CNTN6: variants seen among roughly 807,000 people sequenced by gnomAD.
The protein encoded by CNTN6 is contactin 6.
In CNTN6, 137 loss-of-function variants were observed where a neutral mutation model predicts 122.8. That is an observed-to-expected ratio of 1.12 (90% CI 0.97 to 1.29). The LOEUF is 1.29. Among genes scored for constraint, CNTN6 ranks in the 50% most tolerant of loss-of-function variants. CNTN6 has a pLI of 0.00. For synonymous variants in CNTN6, 570 were observed against 426.0 expected, an observed-to-expected ratio of 1.34 and a Z score of -4.16; for missense variants, 1,634 against 1,223.4, an observed-to-expected ratio of 1.34 and a Z score of -5.01.
At chr3:1,301,588 T>A (rs1697427375) in intron 7 of CNTN6, among the ~76,000 whole-genome samples, 1 of 152,196 alleles carries the variant, frequency 6.6e-6, no homozygotes, top group Non-Finnish European at 1.5e-5. Flanking sequence ...AGGAAATTCT[T>A]GATTTAATAG....
At chr3:1,340,294 A>G (rs1487067707) in intron 11 of CNTN6, among the ~76,000 whole-genome samples, 1 of 152,168 alleles carries the variant, frequency 6.6e-6, no homozygotes, top group Non-Finnish European at 1.5e-5. Flanking sequence ...TTATACTAAA[A>G]AAATCTTCTG....
chr3:1,247,570 T>C (rs2094599704), intron 4 of CNTN6, among the ~76,000 whole-genome samples: 1 of 152,148 alleles, frequency 6.6e-6, no homozygotes, highest in Admixed American at 6.5e-5. Context: ...AATTGAGCTT[T>C]AAAAAGCTTT....
chr3:1,094,394 G>T (rs1357022358), intron 1 of CNTN6, among the ~76,000 whole-genome samples: 3 of 152,124 alleles, frequency 2.0e-5, no homozygotes, highest in Non-Finnish European at 4.4e-5. Context: ...TGATGTTTCA[G>T]TGGGGTTTCT....
At chr3:1,300,492 GAAA>G (rs59854918) in intron 7 of CNTN6, among the ~76,000 whole-genome samples, 3 of 99,360 alleles carry the variant, frequency 3.0e-5, no homozygotes, top group Admixed American at 9.8e-5. Context: ...AGGAAGGAAG[GAAA>G]AAGAAAAGAA....
intron 17 of CNTN6, among the ~76,000 whole-genome samples, chr3:1,380,759 C>G (rs1691743839): frequency 6.6e-6 from 1 of 152,122 alleles, no homozygotes; most frequent in Non-Finnish European, 1.5e-5. Context: ...CAAAACCAGG[C>G]TGCATGCCAG....
chr3:1,343,898 A>G (rs566064686), intron 11 of CNTN6, among the ~76,000 whole-genome samples: 2 of 152,296 alleles, frequency 1.3e-5, no homozygotes, highest in Non-Finnish European at 1.5e-5. Context: ...CCATGGTCTT[A>G]TAATCCCTGT....
rs1474084517 is a variant in CNTN6 at position 1,402,319 on chromosome 3, T to C, written c.2819T>C (p.Ile940Thr). The change falls in exon 22 of 23, where the codon ATT becomes ACT. Residue 940 changes from isoleucine to threonine, a missense_variant and splice_region_variant. Physicochemically the swap from Ile to Thr is moderately conservative, Grantham distance 89. Coordinates refer to ENST00000446702, the MANE Select transcript of CNTN6 (RefSeq NM_001289080.2). ...ENESEVLGYKILYRQNRQSKT... is the reference protein window; with the variant it reads ...ENESEVLGYKTLYRQNRQSKT... Reference sequence around the variant, plus strand: ...AACTTGATACCTCATTTTATTCAGATTCTGTACCGGCAAAACAGACAGAGT... The same window carrying C: ...AACTTGATACCTCATTTTATTCAGACTCTGTACCGGCAAAACAGACAGAGT... 6.2e-7 allele frequency: 1 copy of C among 1,606,520 alleles called. No homozygotes were observed. Among genetic ancestry groups the C allele is most frequent in the Non-Finnish European group, 8.5e-7 (1 of 1,176,094 alleles).
chr3:1,387,467 G>GA (rs1693205293), intron 20 of CNTN6, among the ~76,000 whole-genome samples: 1 of 152,130 alleles, frequency 6.6e-6, no homozygotes, highest in Non-Finnish European at 1.5e-5. Flanking sequence ...AAATCCGAAT[G>GA]AAAATCTCCA....
chr3:1,202,114 G>A (rs530235293), intron 2 of CNTN6, among the ~76,000 whole-genome samples: 6 of 152,134 alleles, frequency 3.9e-5, no homozygotes, highest in African/African-American at 9.7e-5. Flanking sequence ...AGTTCATGTC[G>A]CTGGGGAGTG....
chr3:1,307,778 T>A (rs1328736115), intron 7 of CNTN6, among the ~76,000 whole-genome samples: 4 of 152,138 alleles, frequency 2.6e-5, no homozygotes, highest in Non-Finnish European at 5.9e-5. Context: ...AGAATGTGTC[T>A]GTATTTGTCA....
At position 1,150,602 on chromosome 3, in the gene CNTN6, T is replaced by C. The variant is rs1027381897; in HGVS notation, c.55+2539T>C. 2.3e-4 allele frequency among the ~76,000 whole-genome samples: 35 copies of C among 152,218 alleles called. 1 individual carries two copies. Among genetic ancestry groups the C allele is most frequent in the Admixed American group, 1.3e-4 (2 of 15,278 alleles). On this transcript the variant is annotated intron_variant, in intron 2 of 22. Transcript: ENST00000446702. The stretch of plus-strand genomic sequence containing the variant: ...TAAAAGTTTAATTGTTCTATTTTAG[T>C]ATTTTTAAAATATTAGAAGAAAATG...
chr3:1,379,307 G>A (rs574008426), intron 17 of CNTN6, among the ~76,000 whole-genome samples: 90 of 152,248 alleles, frequency 5.9e-4, no homozygotes, highest in African/African-American at 2.0e-3. Context: ...TCCACCCATA[G>A]CTACATCCAT....
At chr3:1,380,004 CG>C (rs1278103374) in intron 17 of CNTN6, among the ~76,000 whole-genome samples, 11 of 152,174 alleles carry the variant, frequency 7.2e-5, no homozygotes, top group African/African-American at 2.6e-4. Context: ...TGCTCAGAAG[CG>C]TAGAGGACAG....
intron 8 of CNTN6, among the ~76,000 whole-genome samples, chr3:1,324,976 ACTTCTGT>A: frequency 7.2e-6 from 1 of 139,696 alleles, no homozygotes; most frequent in African/African-American, 3.3e-5. Flanking sequence ...AGCGTCATAT[ACTTCTGT>A]ATATCCAAGG....
chr3:1,300,658 C>G (rs893248001), intron 7 of CNTN6, among the ~76,000 whole-genome samples: 1 of 152,134 alleles, frequency 6.6e-6, no homozygotes, highest in East Asian at 1.9e-4. Flanking sequence ...AGTCTTTGAA[C>G]TGCTCACATA....
chr3:1,114,464 C>T (rs1307238783), intron 1 of CNTN6, among the ~76,000 whole-genome samples: 1 of 152,162 alleles, frequency 6.6e-6, no homozygotes, highest in Non-Finnish European at 1.5e-5. Flanking sequence ...TAATTCTATT[C>T]TGCCAGCAGA....
intron 11 of CNTN6, among the ~76,000 whole-genome samples, chr3:1,351,857 A>C (rs1705692935): frequency 6.6e-6 from 1 of 151,930 alleles, no homozygotes; most frequent in Non-Finnish European, 1.5e-5. Flanking sequence ...GTCGTGGTTC[A>C]ACACCCCATT....
chr3:1,336,282 A>G lies in CNTN6; in HGVS notation c.1364+6347A>G, dbSNP rs75563235. Among the ~76,000 whole-genome samples the G allele has an allele frequency of 7.3e-3, 1,092 of 149,134 alleles. 20 individuals are homozygous for G. The highest frequency in any genetic ancestry group is 0.025 in the African/African-American group (1,047 of 41,184). On this transcript the variant is annotated intron_variant, in intron 11 of 22. Coordinates refer to ENST00000446702, the MANE Select transcript of CNTN6 (RefSeq NM_001289080.2). ...CTAGATGGTGTACCAGGCACTTTAC[A>G]TATCTCAAAACATTAAAGCACATTT...
chr3:1,382,811 A>T, intron 17 of CNTN6, 131 bp from the exon 18 acceptor site: 1 of 628,296 alleles, frequency 1.6e-6, no homozygotes. Flanking sequence ...AGTGTTTTTT[A>T]ATACATCATT....
Sources: allele counts gnomAD v4.1 joint callset (sites outside exome capture counted in the v4.1 genomes callset), GRCh38; gene constraint gnomAD v4.1.1; transcripts MANE v1.5; gene names NCBI Gene and HGNC (gene_info 2026-07-23, HGNC 2026-07-21).